SEZ6L: variants seen among roughly 807,000 people sequenced by gnomAD.
SEZ6L encodes seizure related 6 homolog like.
In SEZ6L, 37 loss-of-function variants were observed where a neutral mutation model predicts 106.2. The observed-to-expected ratio is 0.35, with a 90% confidence interval of 0.27 to 0.46. SEZ6L has a LOEUF of 0.46. SEZ6L is among the 20% of genes least tolerant of loss of function. The pLI is 1.00. For synonymous variants in SEZ6L, 541 were observed against 570.4 expected, an observed-to-expected ratio of 0.95 and a Z score of 0.73; for missense variants, 1,172 against 1,332.8, an observed-to-expected ratio of 0.88 and a Z score of 1.88.
intron 1 of SEZ6L, among the ~76,000 whole-genome samples, chr22:26,197,518 G>C (rs1255210872): frequency 6.6e-6 from 1 of 152,154 alleles, no homozygotes; most frequent in Admixed American, 6.5e-5. Context: ...AGACAGACAG[G>C]AGGGGTCCTG....
chr22:26,248,876 C>G (rs893211678), intron 1 of SEZ6L, among the ~76,000 whole-genome samples: 2 of 152,184 alleles, frequency 1.3e-5, no homozygotes, highest in African/African-American at 4.8e-5. Context: ...AGCGGCTATG[C>G]AAGACTGCCT....
chr22:26,169,653 CG>C lies in SEZ6L; in HGVS notation c.-16del, dbSNP rs1247896507. ...GCCCGCCCCACAGCCAGCGGCTCCG[CG>C]CCCCCTGCAGCCACGATGCCCGCGG... On this transcript the variant is annotated 5_prime_UTR_variant, in exon 1 of 17. Transcript: ENST00000248933. The C allele has an allele frequency of 1.8e-6, 2 of 1,125,460 alleles. No individual in the cohort carries two copies. Among genetic ancestry groups the C allele is most frequent in the Admixed American group, 3.5e-5 (1 of 28,596 alleles). The allele number at this position is 1,125,460 out of a possible 1,614,324, so 69.7% of individuals were successfully genotyped here. A position where few individuals can be genotyped will look rare whatever the true frequency, so the allele number is the denominator to read the frequency against.
intron 1 of SEZ6L, among the ~76,000 whole-genome samples, chr22:26,195,857 A>T (rs1940547474): frequency 6.6e-6 from 1 of 152,106 alleles, no homozygotes; most frequent in African/African-American, 2.4e-5. Context: ...GAAAGCATCA[A>T]TCAGGGTGCT....
chr22:26,304,993 G>C (rs1182829613), intron 5 of SEZ6L, among the ~76,000 whole-genome samples: 1 of 152,110 alleles, frequency 6.6e-6, no homozygotes, highest in Non-Finnish European at 1.5e-5. Flanking sequence ...AGGCTATATG[G>C]TACAGCCTAT....
At chr22:26,375,996 C>G (rs866250503) in intron 15 of SEZ6L, among the ~76,000 whole-genome samples, 2 of 152,204 alleles carry the variant, frequency 1.3e-5, no homozygotes, top group South Asian at 2.1e-4. Context: ...ATCACTCACT[C>G]ATTCACTCAT....
At chr22:26,183,135 G>A (rs1254918280) in intron 1 of SEZ6L, among the ~76,000 whole-genome samples, 5 of 152,192 alleles carry the variant, frequency 3.3e-5, no homozygotes, top group Non-Finnish European at 5.9e-5. Flanking sequence ...CTTCAAAGGT[G>A]CCTTACAGCC....
rs199641007 is a variant in SEZ6L at position 26,369,341 on chromosome 22, C to CTTTTTTTTTTTTTTTT, written c.2794+3779_2794+3780insTTTTTTTTTTTTTTTT. On this transcript the variant is annotated intron_variant, in intron 13 of 16. Coordinates refer to ENST00000248933, the MANE Select transcript of SEZ6L (RefSeq NM_021115.5). ...ATGACAATGACTTATATAAGCAGTT[C>CTTTTTTTTTTTTTTTT]TTTTGTTTTTTTTTTTGAGACAGAT... Among the ~76,000 whole-genome samples, 537 of 103,454 alleles carry CTTTTTTTTTTTTTTTT rather than the reference C, an allele frequency of 5.2e-3. 70 individuals carry two copies. Among genetic ancestry groups the CTTTTTTTTTTTTTTTT allele is most frequent in the Middle Eastern group, 8.7e-3 (2 of 230 alleles). 67.9% of individuals were successfully genotyped at this position (103,454 alleles called of 152,430 possible).
At chr22:26,215,707 A>G (rs1274329676) in intron 1 of SEZ6L, among the ~76,000 whole-genome samples, 1 of 152,218 alleles carries the variant, frequency 6.6e-6, no homozygotes, top group Non-Finnish European at 1.5e-5. Context: ...CATTTCATAG[A>G]CTGAAGGTTG....
At chr22:26,308,605 A>T (rs1444668650) in intron 6 of SEZ6L, among the ~76,000 whole-genome samples, 1 of 152,106 alleles carries the variant, frequency 6.6e-6, no homozygotes, top group South Asian at 2.1e-4. Context: ...CGCCCACCCT[A>T]TCCTTGCCTT....
intron 1 of SEZ6L, among the ~76,000 whole-genome samples, chr22:26,273,867 T>C (rs2080452908): frequency 6.6e-6 from 1 of 152,110 alleles, no homozygotes; most frequent in South Asian, 2.1e-4. Flanking sequence ...ATTTTCTTCT[T>C]TTGTTGGAGA....
chr22:26,241,560 A>G (rs2079133342), intron 1 of SEZ6L: 1 of 152,262 alleles, frequency 6.6e-6, no homozygotes, highest in Admixed American at 6.5e-5. Context: ...CGTTCAATAC[A>G]TAGCAATTAC....
chr22:26,180,477 G>T (rs1051142734), intron 1 of SEZ6L, among the ~76,000 whole-genome samples: 5 of 152,210 alleles, frequency 3.3e-5, no homozygotes, highest in African/African-American at 1.2e-4. Flanking sequence ...ATGAATCAAT[G>T]AATGAATGAT....
At chr22:26,266,115 G>C (rs571206705) in intron 1 of SEZ6L, among the ~76,000 whole-genome samples, 1 of 152,198 alleles carries the variant, frequency 6.6e-6, no homozygotes, top group East Asian at 1.9e-4. Flanking sequence ...GCACACGGGT[G>C]TGTGTGGAAT....
chr22:26,372,366 C>T (rs903410694), intron 13 of SEZ6L, among the ~76,000 whole-genome samples: 4 of 152,210 alleles, frequency 2.6e-5, no homozygotes, highest in Admixed American at 6.5e-5. Context: ...CACTCAACCA[C>T]GGTGCAACTC....
chr22:26,256,898 C>T (rs1253363531), intron 1 of SEZ6L, among the ~76,000 whole-genome samples: 1 of 152,170 alleles, frequency 6.6e-6, no homozygotes, highest in Non-Finnish European at 1.5e-5. Context: ...AGGAAACATG[C>T]TCCTGTTGCA....
intron 1 of SEZ6L, among the ~76,000 whole-genome samples, chr22:26,237,242 G>GAGTA (rs1485467262): frequency 6.6e-6 from 1 of 152,228 alleles, no homozygotes; most frequent in East Asian, 1.9e-4. Flanking sequence ...ACTCGCTGCT[G>GAGTA]AGTAAGCTCT....
intron 9 of SEZ6L, among the ~76,000 whole-genome samples, chr22:26,315,219 C>G (rs1341833140): frequency 1.3e-5 from 2 of 152,202 alleles, no homozygotes; most frequent in African/African-American, 4.8e-5. Flanking sequence ...GTGGCTCATG[C>G]CTACAACCCC....
intron 7 of SEZ6L, among the ~76,000 whole-genome samples, chr22:26,311,167 G>T (rs1483595032): frequency 6.6e-6 from 1 of 152,126 alleles, no homozygotes; most frequent in East Asian, 1.9e-4. Flanking sequence ...AAGACACTTG[G>T]GTGACCGGCC....
chr22:26,273,008 G>A (rs1433624031), intron 1 of SEZ6L, among the ~76,000 whole-genome samples: 1 of 152,184 alleles, frequency 6.6e-6, no homozygotes, highest in Non-Finnish European at 1.5e-5. Flanking sequence ...AAAACACTTA[G>A]CACATTGTAA....
Sources: gnomAD v4.1 joint callset for allele counts (sites outside exome capture counted in the v4.1 genomes callset) on GRCh38, gnomAD v4.1.1 for gene constraint, MANE v1.5 for transcripts, NCBI Gene and HGNC (gene_info 2026-07-23, HGNC 2026-07-21) for gene names.